Variants in NECAB2 observed in about 807,000 individuals in gnomAD.
The protein encoded by NECAB2 is N-terminal EF-hand calcium binding protein 2, also known as N-terminal EF-hand calcium-binding protein 2.
NECAB2 carries 68 observed loss-of-function variants against 51.9 expected under a neutral mutation model. The observed-to-expected ratio is 1.31, with a 90% confidence interval of 1.08 to 1.60. NECAB2 has a LOEUF of 1.60. NECAB2 is among the 40% of genes most tolerant of loss of function. The pLI, the probability that NECAB2 is intolerant of heterozygous loss-of-function variation, is 0.00. For missense variants in NECAB2, 854 were observed against 490.3 expected (o/e 1.74, Z -7.00); for synonymous variants, 329 against 203.5 (o/e 1.62, Z -5.25).
intron 5 of NECAB2, among the ~76,000 whole-genome samples, 193 bp from the exon 6 acceptor site, chr16:83,990,301 C>A (rs969197545): frequency 2.0e-5 from 3 of 152,182 alleles, no homozygotes; most frequent in Admixed American, 2.0e-4. Context: ...CAAATTTGGT[C>A]TCTAAACCTC....
intron 6 of NECAB2, 76 bp from the exon 7 acceptor site, chr16:83,994,226 C>T (rs1156665663): frequency 1.5e-6 from 2 of 1,311,416 alleles, no homozygotes; most frequent in African/African-American, 1.5e-5. Flanking sequence ...TAATAAATGC[C>T]TGTGGAAGAT....
Position 84,002,775 on chromosome 16 carries a change from G to A in NECAB2, c.*429G>A. On this transcript the variant is annotated 3_prime_UTR_variant, in exon 13 of 13. Transcript: ENST00000305202. ...GCGCCAAATAAACCCTGGTTGGGAA[G>A]AGCTGTGTGCTCTGTGTCTGTTTCC... 3 of 211,756 alleles carry A rather than the reference G, an allele frequency of 1.4e-5. No individual in the cohort carries two copies. Among genetic ancestry groups the A allele is most frequent in the Non-Finnish European group, 2.9e-5 (3 of 103,040 alleles). The allele number at this position is 211,756 out of a possible 1,614,324, so 13.1% of individuals were successfully genotyped here.
At chr16:83,993,479 A>C (rs1036777629) in intron 6 of NECAB2, 11 of 153,984 alleles carry the variant, frequency 7.1e-5, no homozygotes, top group African/African-American at 2.7e-4. Flanking sequence ...TGCACAGGGC[A>C]CTCTGTGTGT....
chr16:83,986,070 A>C (rs1279797325), intron 5 of NECAB2, among the ~76,000 whole-genome samples: 1 of 152,174 alleles, frequency 6.6e-6, no homozygotes, highest in African/African-American at 2.4e-5. Flanking sequence ...AGGCCAGAGT[A>C]CAATGGAGTG....
At chr16:83,984,986 G>GT (rs2084534570) in intron 5 of NECAB2, among the ~76,000 whole-genome samples, 1 of 151,960 alleles carries the variant, frequency 6.6e-6, no homozygotes, top group African/African-American at 2.4e-5. Flanking sequence ...AAATGGAATG[G>GT]TTTTTTTGAT....
upstream of NECAB2, chr16:83,965,359 G>GC: frequency 6.4e-7 from 1 of 1,571,968 alleles, no homozygotes; most frequent in South Asian, 1.2e-5. Context: ...GGGAGGCCCT[G>GC]CCCTTCATCC....
intron 1 of NECAB2, chr16:83,971,928 C>T: frequency 3.3e-6 from 2 of 614,842 alleles, no homozygotes; most frequent in Non-Finnish European, 2.8e-6. Context: ...GTGGTACTGG[C>T]AGCCGCTTCC....
intron 4 of NECAB2, 64 bp from the exon 5 acceptor site, chr16:83,980,966 T>C (rs1434311859): frequency 5.0e-6 from 8 of 1,603,786 alleles, no homozygotes; most frequent in Non-Finnish European, 6.0e-6. Flanking sequence ...AGGTGGGAGG[T>C]GCAGGAGTGC....
chr16:83,989,404 G>T (rs1024186493), intron 5 of NECAB2, among the ~76,000 whole-genome samples: 1 of 152,156 alleles, frequency 6.6e-6, no homozygotes, highest in Non-Finnish European at 1.5e-5. Flanking sequence ...CTGTTTCTCA[G>T]TCTGTCTGTC....
At chr16:83,977,933 G>T (rs966441929) in intron 2 of NECAB2, among the ~76,000 whole-genome samples, 1 of 152,208 alleles carries the variant, frequency 6.6e-6, no homozygotes, top group African/African-American at 2.4e-5. Flanking sequence ...TGGAGTGGTG[G>T]CTCATCCAGC....
At position 83,994,425 on chromosome 16, in the gene NECAB2, G is replaced by A. The variant is rs1488684043; in HGVS notation, c.715+5G>A. On this transcript the variant is annotated splice_donor_5th_base_variant and intron_variant, in intron 7 of 12. Coordinates refer to ENST00000305202, the MANE Select transcript of NECAB2 (RefSeq NM_019065.3). ...AAGGCAAGACCCTTCCATCTGGTGAGAGAAAGCGGGGGCCCTGGTGGGGGT... is the reference window on the plus strand; with the variant it reads ...AAGGCAAGACCCTTCCATCTGGTGAAAGAAAGCGGGGGCCCTGGTGGGGGT... The A allele has an allele frequency of 6.2e-7, 1 of 1,613,862 alleles. No individual in the cohort carries two copies. The highest frequency in any genetic ancestry group is 1.3e-5 in the African/African-American group (1 of 75,056).
rs1294480839 is a variant in NECAB2, at chr16:83,997,120, G to A, written c.796-96G>A. 11 of 1,489,962 alleles carry A rather than the reference G, an allele frequency of 7.4e-6. No homozygotes were observed. The Admixed American group carries it at 1.2e-4, about 16-fold the overall frequency. 92.3% of individuals were successfully genotyped at this position (1,489,962 alleles called of 1,614,324 possible). A position where few individuals can be genotyped will look rare whatever the true frequency, so the allele number is the denominator to read the frequency against. On this transcript the variant is annotated intron_variant, in intron 8 of 12. Coordinates refer to ENST00000305202, the MANE Select transcript of NECAB2 (RefSeq NM_019065.3). ...CCTGTGCAACAGGGCCGGGTCCTTG[G>A]GAGCTCCCAACAGCCCCAGGGATCC...
chr16:83,979,623 G>C (rs1214058188), intron 3 of NECAB2, among the ~76,000 whole-genome samples: 1 of 152,060 alleles, frequency 6.6e-6, no homozygotes, highest in African/African-American at 2.4e-5. Flanking sequence ...GGCCAGGCAG[G>C]TGCCCATTGA....
intron 9 of NECAB2, among the ~76,000 whole-genome samples, chr16:83,997,849 C>A (rs550549152): frequency 6.6e-6 from 1 of 152,104 alleles, no homozygotes; most frequent in African/African-American, 2.4e-5. Flanking sequence ...AGTGATCAGC[C>A]AGACAGTGAT....
intron 3 of NECAB2, among the ~76,000 whole-genome samples, chr16:83,978,833 G>A (rs1021162844): frequency 6.6e-6 from 1 of 152,018 alleles, no homozygotes; most frequent in Non-Finnish European, 1.5e-5. Flanking sequence ...ATGAAAATGG[G>A]AAGGTGGCAA....
chr16:83,993,709 C>T (rs2084656075), intron 6 of NECAB2: 1 of 156,520 alleles, frequency 6.4e-6, no homozygotes, highest in South Asian at 1.9e-4. Context: ...TCAGGGCACG[C>T]AGGGGTGTGT....
chr16:83,966,869 C>T (rs924846406), upstream of NECAB2, among the ~76,000 whole-genome samples: 4 of 152,186 alleles, frequency 2.6e-5, no homozygotes, highest in Non-Finnish European at 5.9e-5. Context: ...CTTTTCATAG[C>T]AGTGCAGTTT....
chr16:83,983,102 G>C (rs9933969), intron 5 of NECAB2, among the ~76,000 whole-genome samples: 209 of 152,124 alleles, frequency 1.4e-3, no homozygotes, highest in African/African-American at 4.6e-3. Context: ...GTCCTGACTT[G>C]AGGTGATCCG....
chr16:83,993,108 C>G (rs1257809101), intron 6 of NECAB2, among the ~76,000 whole-genome samples: 3 of 152,098 alleles, frequency 2.0e-5, no homozygotes, highest in African/African-American at 7.2e-5. Context: ...CTCGAACTTC[C>G]CCAAATCTCA....
Sources: allele counts gnomAD v4.1 joint callset (sites outside exome capture counted in the v4.1 genomes callset), GRCh38; gene constraint gnomAD v4.1.1; transcripts MANE v1.5; gene names NCBI Gene and HGNC (gene_info 2026-07-23, HGNC 2026-07-21).